The following TRIM10 variants were observed in gnomAD, a reference collection of about 807,000 sequenced individuals.
The protein encoded by TRIM10 is tripartite motif containing 10.
A neutral mutation model predicts 40.0 loss-of-function variants in TRIM10; 42 were observed. The observed-to-expected ratio is 1.05, with a 90% CI of 0.82 to 1.36. The LOEUF (loss-of-function observed/expected upper bound fraction) is 1.36, where lower values mean the gene tolerates loss of function less well. TRIM10 is among the 40% of genes most tolerant of loss of function. The pLI, the probability that TRIM10 is intolerant of heterozygous loss-of-function variation, is 0.00. For missense variants in TRIM10, 601 were observed against 608.3 expected (o/e 0.99, Z 0.13); for synonymous variants, 260 against 239.5 (o/e 1.09, Z -0.79).
upstream of TRIM10, chr6:30,163,258 C>CCG: frequency 5.2e-6 from 1 of 190,920 alleles, no homozygotes. Context: ...CTCCCACCTG[C>CCG]TCAATCTGAC....
intron 5 of TRIM10, among the ~76,000 whole-genome samples, chr6:30,156,109 G>A (rs908666403): frequency 6.6e-6 from 1 of 152,212 alleles, no homozygotes; most frequent in Admixed American, 6.5e-5. Flanking sequence ...CCAGGACATA[G>A]TAAATGCTCA....
At position 30,153,836 on chromosome 6, in the gene TRIM10, G is replaced by A. The variant is rs376605686; in HGVS notation, c.*133C>T. The A allele has an allele frequency of 2.2e-5, 36 of 1,608,066 alleles. No homozygotes were observed. Among genetic ancestry groups the A allele is most frequent in the Middle Eastern group, 1.7e-4 (1 of 6,054 alleles). ...TCCTCTCTTCTATCCCTTACCACCC[G>A]GCCCCATCCCATCTTCTAAAGCAGT... On this transcript the variant is annotated 3_prime_UTR_variant, in exon 7 of 7. Transcript: ENST00000449742.
chr6:30,157,600 C>T (rs1354572532), intron 3 of TRIM10, among the ~76,000 whole-genome samples: 2 of 151,842 alleles, frequency 1.3e-5, no homozygotes, highest in Non-Finnish European at 2.9e-5. Flanking sequence ...ATCCTCCTAC[C>T]TCAGCATCTT....
chr6:30,155,739 C>G lies in TRIM10; in HGVS notation c.916G>C (p.Asp306His), dbSNP rs1772471749. ...MFLEKLCFEL[D>H]YEPAHISLDP... is the part of the protein sequence containing the mutation. Reference sequence around the variant, plus strand: ...ATAGGCTCCTTACCTGGCTCATAGTCCAACTCAAAGCATAGTTTTTCTGTA... The same window carrying G: ...ATAGGCTCCTTACCTGGCTCATAGTGCAACTCAAAGCATAGTTTTTCTGTA... The change falls in exon 6 of 7, where the codon GAC (aspartate) becomes CAC (histidine). Residue 306 changes from aspartate to histidine, a missense_variant. By Grantham distance (81) the Asp-to-His change is moderately conservative. Coordinates refer to ENST00000449742, the MANE Select transcript of TRIM10 (RefSeq NM_006778.4). 4 of 1,613,350 alleles carry G rather than the reference C, an allele frequency of 2.5e-6. No individual in the cohort carries two copies. Among genetic ancestry groups the G allele is most frequent in the Non-Finnish European group, 3.4e-6 (4 of 1,179,866 alleles).
At position 30,157,002 on chromosome 6, in the gene TRIM10, G is replaced by A. The variant is rs1000408129; in HGVS notation, c.832C>T (p.Gln278Ter). 6.2e-7 allele frequency: 1 copy of A among 1,612,952 alleles called. No homozygotes were observed. The highest frequency in any genetic ancestry group is 1.3e-5 in the African/African-American group (1 of 74,928). The change falls in exon 5 of 7, where the codon CAG becomes TAG. Residue 278 changes from glutamine to a stop codon, truncating the protein, a stop_gained. Coordinates refer to ENST00000449742, the MANE Select transcript of TRIM10 (RefSeq NM_006778.4). LOFTEE classifies it high-confidence loss of function. ...KPVAVSPELG[Q>*]RIRDFPQQAL... is the part of the protein sequence containing the mutation. The stretch of plus-strand genomic sequence containing the variant: ...TGCTGGGGAAAGTCCCGAATCCTCT[G>A]GCCCAGCTCTGGCGACACAGCCACC...
At chr6:30,154,747 G>A (rs891245738) in intron 6 of TRIM10, 80 of 695,080 alleles carry the variant, frequency 1.2e-4, no homozygotes, top group South Asian at 7.9e-4. Context: ...GAAAGCTCTC[G>A]TTTAGTTCAG....
chr6:30,153,954 G>GT lies in TRIM10; in HGVS notation c.*14_*15insA. ...TGAGTCCTGTACTTAGAGGAGAGTA[G>GT]GTAACTGCTCCTTCTCAGGAGCTCA... On this transcript the variant is annotated 3_prime_UTR_variant, in exon 7 of 7. Coordinates refer to ENST00000449742, the MANE Select transcript of TRIM10 (RefSeq NM_006778.4). 1 of 1,586,208 alleles carries GT rather than the reference G, an allele frequency of 6.3e-7. No homozygotes were observed. Among genetic ancestry groups the GT allele is most frequent in the South Asian group, 1.1e-5 (1 of 87,620 alleles).
rs769112003 is a variant in TRIM10 at position 30,154,364 on chromosome 6, C to T, written c.1051G>A (p.Ala351Thr). The T allele has an allele frequency of 4.8e-5, 78 of 1,612,934 alleles. 3 individuals carry two copies. The South Asian group carries it at 6.9e-4, about 14-fold the overall frequency. ...SPDNPQRFDR[A>T]TCVLAHTGIT... ...CCAGTGTGGGCCAGAACACAGGTGG[C>T]CCGGTCAAAACGTTGGGGGTTGTCT... The change falls in exon 7 of 7, where the codon GCC becomes ACC. Residue 351 changes from alanine (A) to threonine (T), a missense_variant. Physicochemically the swap from Ala to Thr is moderately conservative, Grantham distance 58. Transcript: ENST00000449742.
intron 6 of TRIM10, among the ~76,000 whole-genome samples, chr6:30,154,970 C>T (rs1772390782): frequency 6.6e-6 from 1 of 152,154 alleles, no homozygotes; most frequent in Non-Finnish European, 1.5e-5. Flanking sequence ...ACAGTCTTCC[C>T]TCCTGGCAGG....
chr6:30,157,110 G>T, intron 4 of TRIM10, 56 bp from the exon 5 acceptor site: 1 of 1,531,650 alleles, frequency 6.5e-7, no homozygotes, highest in South Asian at 1.1e-5. Flanking sequence ...AATGTCTCCA[G>T]ACTCAGCTGG....
At position 30,156,988 on chromosome 6, in the gene TRIM10, G is replaced by A. The variant is rs1255931869; in HGVS notation, c.846C>T (p.Asp282=). The change falls in exon 5 of 7, where the codon GAC becomes GAT. Residue 282 remains aspartate (D), a synonymous_variant. Coordinates refer to ENST00000449742, the MANE Select transcript of TRIM10 (RefSeq NM_006778.4). ...GCAGCGGGAGGGCCTGCTGGGGAAA[G>A]TCCCGAATCCTCTGGCCCAGCTCTG... is the stretch of plus-strand genomic sequence containing the variant. The part of the protein sequence containing the change: ...VSPELGQRIR[D]FPQQALPLQR... 2.5e-6 allele frequency: 4 copies of A among 1,612,978 alleles called. No homozygotes were observed. Among genetic ancestry groups the A allele is most frequent in the African/African-American group, 1.3e-5 (1 of 74,944 alleles).
rs1429766453 is a variant in TRIM10 at position 30,154,331 on chromosome 6, C to T, written c.1084G>A (p.Gly362Arg). 1.9e-6 allele frequency: 3 copies of T among 1,613,114 alleles called. No homozygotes were observed. Among genetic ancestry groups the T allele is most frequent in the Middle Eastern group, 1.6e-4 (1 of 6,062 alleles). ...CTCACCACCCACGTGTGTCTCCCCC[C>T]TGTGATGCCAGTGTGGGCCAGAACA... ...TCVLAHTGIT[G>R]GRHTWVVSID... The change falls in exon 7 of 7, where the codon GGG becomes AGG. Residue 362 changes from glycine to arginine, a missense_variant. Gly to Arg is a moderately radical substitution (Grantham distance 125). Transcript: ENST00000449742.
Position 30,158,414 on chromosome 6 carries a change from T to G in TRIM10, c.741A>C (p.Ala247=), listed in dbSNP as rs1319009519. The G allele has an allele frequency of 6.2e-7, 1 of 1,612,872 alleles. No homozygotes were observed. Among genetic ancestry groups the G allele is most frequent in the Admixed American group, 1.7e-5 (1 of 59,994 alleles). The change falls in exon 3 of 7, where the codon GCA becomes GCC. Residue 247 remains alanine (A), a synonymous_variant. Transcript: ENST00000449742. ...EELEEKNERP[A]RELLTDIRST... ...CAGGCCTCACCGTCAGGAGCTCCCTTGCTGGCCTCTCATTCTTCTCCTCCA... is the reference window on the plus strand; with the variant it reads ...CAGGCCTCACCGTCAGGAGCTCCCTGGCTGGCCTCTCATTCTTCTCCTCCA...
intron 4 of TRIM10, among the ~76,000 whole-genome samples, 156 bp downstream of exon 4, chr6:30,157,213 G>T (rs1675102249): frequency 6.6e-6 from 1 of 152,134 alleles, no homozygotes; most frequent in Non-Finnish European, 1.5e-5. Context: ...GGCATCTATG[G>T]ATATACCTGA....
At chr6:30,160,219 C>G (rs1321025664) in intron 1 of TRIM10, among the ~76,000 whole-genome samples, 1 of 152,160 alleles carries the variant, frequency 6.6e-6, no homozygotes, top group Non-Finnish European at 1.5e-5. Flanking sequence ...TGTTGAACTC[C>G]CGTTATCTGT....
chr6:30,157,057 AG>A lies in TRIM10; in HGVS notation c.780-4del. ...TCCGGCACTTTCTGGTTTCACATCT[AG>A]GGGCACAGAAATGGCTGGGTCTGGG... On this transcript the variant is annotated splice_region_variant and splice_polypyrimidine_tract_variant and intron_variant, in intron 4 of 6. Coordinates refer to ENST00000449742, the MANE Select transcript of TRIM10 (RefSeq NM_006778.4). 6.2e-7 allele frequency: 1 copy of A among 1,612,642 alleles called. No homozygotes were observed. Among genetic ancestry groups the A allele is most frequent in the Non-Finnish European group, 8.5e-7 (1 of 1,179,758 alleles).
At chr6:30,157,175 C>A (rs978044155) in intron 4 of TRIM10, 121 bp from the exon 5 acceptor site, 1 of 1,178,948 alleles carries the variant, frequency 8.5e-7, no homozygotes. Flanking sequence ...CGTACTTCCT[C>A]TAGGATGAAT....
chr6:30,163,738 C>T, upstream of TRIM10: 2 of 1,612,818 alleles, frequency 1.2e-6, no homozygotes, highest in Non-Finnish European at 1.7e-6. Flanking sequence ...CCTGTACCCT[C>T]TGTGCGGGGC....
At chr6:30,159,310 T>A in intron 1 of TRIM10, 65 bp from the exon 2 acceptor site, 3 of 1,164,904 alleles carry the variant, frequency 2.6e-6, no homozygotes, top group Non-Finnish European at 3.8e-6. Flanking sequence ...TCTGGTCATC[T>A]GACCCTCTGC....
Sources: gnomAD v4.1 joint callset for allele counts (sites outside exome capture counted in the v4.1 genomes callset) on GRCh38, gnomAD v4.1.1 for gene constraint, MANE v1.5 for transcripts, NCBI Gene and HGNC (gene_info 2026-07-23, HGNC 2026-07-21) for gene names.